Variants in ZMAT4 observed in about 807,000 individuals in gnomAD.
ZMAT4 encodes zinc finger matrin-type protein 4.
ZMAT4 carries 17 observed loss-of-function variants against 28.7 expected under a neutral mutation model. The observed-to-expected ratio is 0.59, with a 90% CI of 0.41 to 0.89. The LOEUF (loss-of-function observed/expected upper bound fraction) is 0.89, where lower values mean the gene tolerates loss of function less well. ZMAT4 is among the 40% of genes least tolerant of loss of function. ZMAT4 has a pLI of 0.00. For synonymous variants in ZMAT4, 117 were observed against 109.2 expected, an observed-to-expected ratio of 1.07 and a Z score of -0.44; for missense variants, 240 against 283.8, an observed-to-expected ratio of 0.85 and a Z score of 1.11.
At chr8:40,697,061 G>C (rs1809918884) in intron 4 of ZMAT4, 184 bp downstream of exon 4, 1 of 549,922 alleles carries the variant, frequency 1.8e-6, no homozygotes, top group Non-Finnish European at 3.1e-6. Context: ...CACCTGAAAT[G>C]GTATTTAGGG....
intron 2 of ZMAT4, among the ~76,000 whole-genome samples, chr8:40,803,297 G>T (rs1039468325): frequency 6.6e-6 from 1 of 152,098 alleles, no homozygotes; most frequent in African/African-American, 2.4e-5. Flanking sequence ...GCCAAAGATT[G>T]AGATAAAATA....
At chr8:40,812,941 AAATTAAATTAAATTAAATT>A (rs1563501409) in intron 2 of ZMAT4, among the ~76,000 whole-genome samples, 27 of 110,510 alleles carry the variant, frequency 2.4e-4, no homozygotes, top group Non-Finnish European at 3.3e-4. Flanking sequence ...CTCAAAAATT[AAATTAAATTAAATTAAATT>A]AAATTAAATT....
intron 1 of ZMAT4, among the ~76,000 whole-genome samples, chr8:40,891,186 G>GGGAGAGGAGA (rs1191699611): frequency 0.058 from 2,573 of 44,594 alleles, 253 homozygotes; most frequent in East Asian, 0.18. Context: ...CAACAGAGTG[G>GGGAGAGGAGA]GGAGAGGAGA....
At chr8:40,628,885 T>A (rs1806469590) in intron 5 of ZMAT4, among the ~76,000 whole-genome samples, 1 of 152,156 alleles carries the variant, frequency 6.6e-6, no homozygotes, top group Admixed American at 6.6e-5. Flanking sequence ...TCTATTAGAA[T>A]CTAACTACAT....
chr8:40,799,085 G>C, intron 2 of ZMAT4, among the ~76,000 whole-genome samples: 1 of 151,142 alleles, frequency 6.6e-6, no homozygotes, highest in East Asian at 2.0e-4. Flanking sequence ...CTGGCTGGAT[G>C]GATGGATGGA....
intron 1 of ZMAT4, among the ~76,000 whole-genome samples, chr8:40,894,684 CCA>C (rs1818808799): frequency 1.3e-5 from 2 of 152,050 alleles, no homozygotes; most frequent in Non-Finnish European, 2.9e-5. Context: ...ATAGCGTGCT[CCA>C]ACCTCTTCAA....
At chr8:40,656,838 G>C (rs6983413) in intron 5 of ZMAT4, among the ~76,000 whole-genome samples, 19,158 of 151,918 alleles carry the variant, frequency 0.13, 1,502 homozygotes, top group African/African-American at 0.22. Context: ...AAATAGGCAA[G>C]CCCACAGAGA....
At chr8:40,582,046 A>G (rs1344669989) in intron 5 of ZMAT4, among the ~76,000 whole-genome samples, 2 of 152,232 alleles carry the variant, frequency 1.3e-5, no homozygotes, top group Non-Finnish European at 2.9e-5. Context: ...ATGTCCCTTC[A>G]GAATAGAGAG....
At chr8:40,697,195 C>A (rs745316251) in intron 4 of ZMAT4, 50 bp downstream of exon 4, 1 of 1,516,288 alleles carries the variant, frequency 6.6e-7, no homozygotes, top group African/African-American at 1.4e-5. Flanking sequence ...GCAAGACAGG[C>A]CAGCACTTGG....
chr8:40,669,749 G>T (rs1182977917), intron 5 of ZMAT4, among the ~76,000 whole-genome samples: 2 of 152,150 alleles, frequency 1.3e-5, no homozygotes, highest in South Asian at 2.1e-4. Flanking sequence ...AGTTTTTGAG[G>T]AGTCAAAAGT....
intron 3 of ZMAT4, among the ~76,000 whole-genome samples, chr8:40,728,352 A>G (rs933127383): frequency 4.6e-5 from 7 of 152,356 alleles, no homozygotes; most frequent in African/African-American, 1.2e-4. Context: ...TTAACACAGT[A>G]TAAATTTTTT....
chr8:40,854,582 G>A (rs886666578), intron 1 of ZMAT4, among the ~76,000 whole-genome samples: 24 of 152,276 alleles, frequency 1.6e-4, no homozygotes, highest in Admixed American at 5.2e-4. Context: ...CCAGTCTTTC[G>A]GCAGAGTTAG....
rs1264976769 is a variant in ZMAT4 at position 40,537,791 on chromosome 8, T to A, written c.675-5553A>T. On this transcript the variant is annotated intron_variant, in intron 6 of 6. Transcript: ENST00000297737. ...ATCATCATTTTACAGATGAGGAAAC[T>A]TGCTAGAACTCCTAATACACACACA... 6.6e-5 allele frequency among the ~76,000 whole-genome samples: 10 copies of A among 152,180 alleles called. No homozygotes were observed. The East Asian group carries it at 1.9e-3, about 29-fold the overall frequency.
intron 5 of ZMAT4, among the ~76,000 whole-genome samples, chr8:40,616,621 C>A (rs953948307): frequency 6.6e-6 from 1 of 151,944 alleles, no homozygotes; most frequent in African/African-American, 2.4e-5. Context: ...TCATTCTGAG[C>A]AAACTATCAC....
intron 6 of ZMAT4, among the ~76,000 whole-genome samples, chr8:40,571,757 A>T (rs1804105679): frequency 6.6e-6 from 1 of 152,154 alleles, no homozygotes; most frequent in Admixed American, 6.5e-5. Flanking sequence ...TCAGCTTACA[A>T]ATGATTATCA....
chr8:40,532,950 T>TC (rs1231101593), intron 6 of ZMAT4, among the ~76,000 whole-genome samples: 1 of 150,258 alleles, frequency 6.7e-6, no homozygotes, highest in Non-Finnish European at 1.5e-5. Context: ...GCCACTGCAC[T>TC]CCAGCCTGGC....
intron 1 of ZMAT4, among the ~76,000 whole-genome samples, chr8:40,864,007 G>T (rs950574916): frequency 6.6e-6 from 1 of 152,190 alleles, no homozygotes; most frequent in Non-Finnish European, 1.5e-5. Context: ...CTCACATGGT[G>T]TCCAACATAG....
At chr8:40,649,954 A>G (rs1360231821) in intron 5 of ZMAT4, among the ~76,000 whole-genome samples, 1 of 151,962 alleles carries the variant, frequency 6.6e-6, no homozygotes, top group South Asian at 2.1e-4. Flanking sequence ...ATAGCACTAA[A>G]TGCCCACAGG....
At chr8:40,598,955 T>C (rs1805197174) in intron 5 of ZMAT4, among the ~76,000 whole-genome samples, 2 of 152,168 alleles carry the variant, frequency 1.3e-5, no homozygotes, top group South Asian at 2.1e-4. Context: ...GACTGCAAAA[T>C]AGTTAATTCA....
Sources: gnomAD v4.1 joint callset for allele counts (sites outside exome capture counted in the v4.1 genomes callset) on GRCh38, gnomAD v4.1.1 for gene constraint, MANE v1.5 for transcripts, NCBI Gene and HGNC (gene_info 2026-07-23, HGNC 2026-07-21) for gene names.